Variants in ACTR3C observed in about 807,000 individuals in gnomAD.
ACTR3C encodes actin related protein 3C.
A neutral mutation model predicts 26.3 loss-of-function variants in ACTR3C; 18 were observed. That is an observed-to-expected ratio of 0.68 (90% CI 0.47 to 1.01). The LOEUF (loss-of-function observed/expected upper bound fraction) is 1.01, where lower values mean the gene tolerates loss of function less well. Ranked by LOEUF, ACTR3C falls within the 50% of genes least tolerant of loss-of-function variation. The pLI is 0.00. For synonymous variants in ACTR3C, 55 were observed against 94.5 expected, an observed-to-expected ratio of 0.58 and a Z score of 2.42; for missense variants, 184 against 250.7, an observed-to-expected ratio of 0.73 and a Z score of 1.80.
the ACTR3C span, among the ~76,000 whole-genome samples, chr7:149,943,041 G>T: frequency 6.6e-6 from 1 of 152,064 alleles, no homozygotes; most frequent in African/African-American, 2.4e-5. Flanking sequence ...CACGGCTGGA[G>T]CCCCTGCTTC....
At chr7:150,006,340 G>C in the ACTR3C span, among the ~76,000 whole-genome samples, 2 of 151,258 alleles carry the variant, frequency 1.3e-5, no homozygotes, top group African/African-American at 4.9e-5. Context: ...GGGACTACAG[G>C]CACCCGCCAC....
At chr7:150,062,588 A>T in the ACTR3C span, among the ~76,000 whole-genome samples, 1 of 150,816 alleles carries the variant, frequency 6.6e-6, no homozygotes, top group African/African-American at 2.5e-5. Flanking sequence ...TGTTTCTATT[A>T]TATGTAAGAA....
chr7:150,297,293 CATT>C (rs1174136777), intron 1 of ACTR3C, among the ~76,000 whole-genome samples: 5 of 150,786 alleles, frequency 3.3e-5, no homozygotes, highest in Non-Finnish European at 7.4e-5. Flanking sequence ...GATAACCACA[CATT>C]ATATGTATCA....
the ACTR3C span, among the ~76,000 whole-genome samples, chr7:150,135,437 A>G: frequency 6.6e-6 from 1 of 152,166 alleles, no homozygotes; most frequent in Non-Finnish European, 1.5e-5. Flanking sequence ...CTGCCTAAGG[A>G]GGGACCGGAA....
chr7:149,984,340 G>T, the ACTR3C span, among the ~76,000 whole-genome samples: 183 of 152,016 alleles, frequency 1.2e-3, no homozygotes, highest in African/African-American at 4.3e-3. Flanking sequence ...AGGAGCCGGG[G>T]TTACAGGCAT....
chr7:150,221,502 A>C, the ACTR3C span, among the ~76,000 whole-genome samples: 1 of 152,226 alleles, frequency 6.6e-6, no homozygotes, highest in Non-Finnish European at 1.5e-5. Context: ...ATATTATTTG[A>C]CAAAATGTTA....
chr7:150,274,935 G>A lies in ACTR3C; in HGVS notation c.564+9818C>T, dbSNP rs1047120124. ...GTCAGCAGTCTTCTGGACACTTTCC[G>A]GACACCAGCCCACAGTCATTCCCTC... On this transcript the variant is annotated intron_variant, in intron 6 of 7. Transcript: ENST00000683684. The surrounding 1 kb of genome is among the most constrained non-coding windows in gnomAD (Gnocchi z 4.1). 6.6e-5 allele frequency among the ~76,000 whole-genome samples: 10 copies of A among 152,116 alleles called. No individual in the cohort carries two copies. Among genetic ancestry groups the A allele is most frequent in the Admixed American group, 2.6e-4 (4 of 15,280 alleles).
the ACTR3C span, among the ~76,000 whole-genome samples, chr7:150,038,342 CTT>C: frequency 6.9e-6 from 1 of 143,970 alleles, no homozygotes; most frequent in Middle Eastern, 3.2e-3. Context: ...CAGCTGCCAT[CTT>C]TTCTCTCTCT....
the ACTR3C span, chr7:150,047,888 CT>C: frequency 7.0e-7 from 1 of 1,422,930 alleles, no homozygotes; most frequent in Non-Finnish European, 9.3e-7. Flanking sequence ...GTCTTTAGGG[CT>C]TTTTAATATT....
intron 1 of ACTR3C, among the ~76,000 whole-genome samples, chr7:150,309,515 G>A (rs1046967559): frequency 6.6e-6 from 1 of 152,198 alleles, no homozygotes; most frequent in African/African-American, 2.4e-5. Context: ...GCAACTGCTT[G>A]CGCCTGCTGT....
chr7:150,036,435 T>C, the ACTR3C span, among the ~76,000 whole-genome samples: 850 of 138,404 alleles, frequency 6.1e-3, 2 homozygotes, highest in South Asian at 0.036. Flanking sequence ...CTCTGACGCA[T>C]ACAATGGAAA....
chr7:149,922,114 TCTCTGTGTAGTC>T, the ACTR3C span, among the ~76,000 whole-genome samples: 1 of 141,690 alleles, frequency 7.1e-6, no homozygotes, highest in Non-Finnish European at 1.6e-5. Context: ...TGTCTTGAAA[TCTCTGTGTAGTC>T]CTCTGGTTGT....
the ACTR3C span, among the ~76,000 whole-genome samples, chr7:150,180,261 C>T: frequency 2.7e-5 from 4 of 149,452 alleles, no homozygotes; most frequent in South Asian, 2.1e-4. Flanking sequence ...GCCGAGATCG[C>T]GCCACTGCAC....
Position 150,271,409 on chromosome 7 carries a change from C to A in ACTR3C, c.564+13344G>T, listed in dbSNP as rs188245548. ...GTCCATGTCTTCTCATTGTTCAACT[C>A]CCACTTACGAGTGAGAACCTGCAGT... On this transcript the variant is annotated intron_variant, in intron 6 of 7. Coordinates refer to ENST00000683684, the MANE Select transcript of ACTR3C (RefSeq NM_001164458.2). Among the ~76,000 whole-genome samples, 3 of 151,382 alleles carry A rather than the reference C, an allele frequency of 2.0e-5. No homozygotes were observed. In the East Asian group the frequency reaches 5.8e-4, roughly 29 times the overall value.
At chr7:150,293,025 C>T (rs200308078) in intron 3 of ACTR3C, among the ~76,000 whole-genome samples, 2,160 of 149,352 alleles carry the variant, frequency 0.014, no homozygotes, top group Middle Eastern at 0.03. Context: ...GATCCAGAGA[C>T]ATCCTGGACA....
At chr7:150,200,215 A>G in the ACTR3C span, among the ~76,000 whole-genome samples, 1 of 152,180 alleles carries the variant, frequency 6.6e-6, no homozygotes. Flanking sequence ...ACTATTTACT[A>G]TTCAGTTTGG....
At chr7:150,261,732 C>T (rs1833653379) in intron 6 of ACTR3C, among the ~76,000 whole-genome samples, 1 of 151,888 alleles carries the variant, frequency 6.6e-6, no homozygotes, top group Admixed American at 6.6e-5. Flanking sequence ...ATAAACTGTA[C>T]CTTTAGAGTC....
the ACTR3C span, among the ~76,000 whole-genome samples, chr7:150,191,034 G>A: frequency 6.1e-3 from 933 of 152,262 alleles, 3 homozygotes; most frequent in Middle Eastern, 0.014. Flanking sequence ...GGGGATTACA[G>A]GAACTATAAT....
At chr7:149,958,286 C>T in the ACTR3C span, among the ~76,000 whole-genome samples, 1 of 151,956 alleles carries the variant, frequency 6.6e-6, no homozygotes, top group Non-Finnish European at 1.5e-5. Context: ...GTCCAATATG[C>T]TCCTGCCTAC....
Sources: allele counts gnomAD v4.1 joint callset (sites outside exome capture counted in the v4.1 genomes callset), GRCh38; gene constraint gnomAD v4.1.1; non-coding constraint Gnocchi (gnomAD v3.1); transcripts MANE v1.5; gene names NCBI Gene and HGNC (gene_info 2026-07-23, HGNC 2026-07-21).